The following CTDP1 variants were observed in gnomAD, a reference collection of about 807,000 sequenced individuals.
CTDP1 encodes CTD phosphatase 1.
Under a neutral mutation model 91.8 loss-of-function variants are expected in CTDP1, and 47 were observed. That is an observed-to-expected ratio of 0.51 (90% CI 0.41 to 0.65). The LOEUF (loss-of-function observed/expected upper bound fraction) is 0.65. Among genes scored for constraint, CTDP1 ranks in the 30% least tolerant of loss-of-function variants. The probability of loss-of-function intolerance (pLI) is 0.00; values close to 1 mark genes in which losing one functional copy is unlikely to be tolerated. For synonymous variants in CTDP1, 656 were observed against 598.5 expected (o/e 1.10, Z -1.40); for missense variants, 1,272 against 1,373.7 (o/e 0.93, Z 1.17).
intron 5 of CTDP1, among the ~76,000 whole-genome samples, chr18:79,707,744 G>A (rs966141779): frequency 6.6e-6 from 1 of 152,190 alleles, no homozygotes; most frequent in Admixed American, 6.5e-5. Flanking sequence ...TTGCTTCATT[G>A]TGGCTGGCGG....
chr18:79,704,975 G>A (rs193017286), intron 5 of CTDP1, 58 bp downstream of exon 5: 21 of 1,606,508 alleles, frequency 1.3e-5, no homozygotes, highest in African/African-American at 4.0e-5. Flanking sequence ...TCCTGTTTTC[G>A]GTGATGGTTT....
rs377250846 is a variant in CTDP1, at chr18:79,744,919, G to A, written c.2747+8398G>A. On this transcript the variant is annotated intron_variant, in intron 12 of 12. Coordinates refer to ENST00000613122, the MANE Select transcript of CTDP1 (RefSeq NM_004715.5). ...AAGAGCAGGCCAGAGGACGCACATC[G>A]TGCTTCAGAGTAACGGAGGCTGGTG... Among the ~76,000 whole-genome samples, 27 of 152,344 alleles carry A rather than the reference G, an allele frequency of 1.8e-4. 1 individual carries two copies. The South Asian group carries it at 5.4e-3, about 30-fold the overall frequency.
chr18:79,697,287 C>T (rs2085767125), intron 3 of CTDP1, among the ~76,000 whole-genome samples: 1 of 152,196 alleles, frequency 6.6e-6, no homozygotes, highest in African/African-American at 2.4e-5. Context: ...CAGCGTGGTG[C>T]GTCACATCCC....
intron 12 of CTDP1, among the ~76,000 whole-genome samples, chr18:79,739,263 C>A (rs1273139677): frequency 1.3e-5 from 2 of 152,198 alleles, no homozygotes; most frequent in African/African-American, 4.8e-5. Context: ...GTGTTGCTGG[C>A]GGCCAGCCAC....
intron 10 of CTDP1, among the ~76,000 whole-genome samples, 165 bp downstream of exon 10, chr18:79,718,181 C>T (rs1025140004): frequency 6.6e-6 from 1 of 152,222 alleles, no homozygotes; most frequent in South Asian, 2.1e-4. Context: ...CGCTTGCAGT[C>T]TTGGGTCCTT....
chr18:79,685,139 G>C (rs140741248), intron 1 of CTDP1, among the ~76,000 whole-genome samples: 83 of 152,304 alleles, frequency 5.4e-4, no homozygotes, highest in African/African-American at 1.1e-3. Flanking sequence ...CTCTGTCCTT[G>C]GTTCTCTGCG....
intron 6 of CTDP1, among the ~76,000 whole-genome samples, chr18:79,710,992 G>A (rs1259130505): frequency 1.3e-5 from 2 of 152,008 alleles, no homozygotes; most frequent in African/African-American, 4.8e-5. Context: ...GCTTGTGCAG[G>A]GCCCCCAATC....
intron 10 of CTDP1, 36 bp downstream of exon 10, chr18:79,718,052 A>AG: frequency 2.5e-6 from 4 of 1,608,458 alleles, no homozygotes; most frequent in Non-Finnish European, 3.4e-6. Flanking sequence ...CCAGCTAATG[A>AG]GGGCTCTTCA....
At chr18:79,679,213 T>C (rs2085298522), upstream of CTDP1, 5 of 343,752 alleles carry the variant, frequency 1.5e-5, no homozygotes, top group South Asian at 8.4e-5. Context: ...CACCTGCCCC[T>C]GCGCTTCCGC....
intron 5 of CTDP1, among the ~76,000 whole-genome samples, chr18:79,706,676 C>T (rs2085973542): frequency 6.6e-6 from 1 of 152,148 alleles, no homozygotes; most frequent in Non-Finnish European, 1.5e-5. Flanking sequence ...TGTTATAAAT[C>T]TTCATCATTT....
chr18:79,715,612 A>T (rs965476971), intron 8 of CTDP1, 84 bp downstream of exon 8: 253 of 1,303,454 alleles, frequency 1.9e-4, no homozygotes, highest in Non-Finnish European at 2.5e-4. Flanking sequence ...ATTGCTGTTT[A>T]TCTCACTTTC....
chr18:79,710,442 T>C lies in CTDP1; in HGVS notation c.863+6T>C. ...TCTAAAACGGGAAACCTTAGGTATG[T>C]ACCCAGCCGCGCTCCTCACAAAGAC... On this transcript the variant is annotated splice_donor_region_variant and intron_variant, in intron 6 of 12. Transcript: ENST00000613122. 6.2e-7 allele frequency: 1 copy of C among 1,602,996 alleles called. No homozygotes were observed. The highest frequency in any genetic ancestry group is 8.5e-7 in the Non-Finnish European group (1 of 1,169,844).
Position 79,697,995 on chromosome 18 carries a change from G to A in CTDP1, c.621+7G>A, listed in dbSNP as rs754038917. 3.1e-6 allele frequency: 5 copies of A among 1,614,232 alleles called. No individual in the cohort carries two copies. The highest frequency in any genetic ancestry group is 2.2e-5 in the East Asian group (1 of 44,894). On this transcript the variant is annotated splice_region_variant and intron_variant, in intron 4 of 12. Transcript: ENST00000613122. ...TCAGCAGATGTCGAATAAAGTGAGT[G>A]CAGTCAGCATCTACGGACAGTTTCC... is the stretch of plus-strand genomic sequence containing the variant.
chr18:79,747,485 G>A (rs1301201389), intron 12 of CTDP1, among the ~76,000 whole-genome samples: 2 of 152,226 alleles, frequency 1.3e-5, no homozygotes, highest in Non-Finnish European at 2.9e-5. Flanking sequence ...CTTGCCGCCT[G>A]CTTTCCTTGG....
At chr18:79,748,113 A>G (rs931780364) in intron 12 of CTDP1, among the ~76,000 whole-genome samples, 2 of 152,234 alleles carry the variant, frequency 1.3e-5, no homozygotes, top group Admixed American at 1.3e-4. Flanking sequence ...TATGAACAAA[A>G]TACAAATATT....
chr18:79,718,061 C>T, intron 10 of CTDP1, 45 bp downstream of exon 10: 3 of 1,603,346 alleles, frequency 1.9e-6, no homozygotes, highest in South Asian at 2.2e-5. Flanking sequence ...GAGGGCTCTT[C>T]AAGCTTGCTG....
At chr18:79,687,218 T>C (rs2085518046) in intron 1 of CTDP1, among the ~76,000 whole-genome samples, 1 of 136,342 alleles carries the variant, frequency 7.3e-6, no homozygotes, top group Admixed American at 7.0e-5. Context: ...CTTCTCCAGT[T>C]CACTGGTGGG....
At chr18:79,716,247 G>A (rs929206988) in intron 8 of CTDP1, among the ~76,000 whole-genome samples, 2 of 152,166 alleles carry the variant, frequency 1.3e-5, no homozygotes, top group African/African-American at 4.8e-5. Flanking sequence ...TTCTCAGTGC[G>A]TGGCCCCGCC....
Position 79,680,018 on chromosome 18 carries a change from G to T in CTDP1, c.71G>T (p.Cys24Phe), listed in dbSNP as rs1013867401. Residue 24 changes from cysteine (C) to phenylalanine (F), a missense_variant, in exon 1 of 13, where the codon TGC becomes TTC. Cys to Phe is a radical substitution (Grantham distance 205). Around this residue, in one of 3 missense-constraint regions of CTDP1, gnomAD observed 214 missense variants for 179.1 expected, o/e 1.19. Coordinates refer to ENST00000613122, the MANE Select transcript of CTDP1 (RefSeq NM_004715.5). ...ACGGCGGCTGTGGCCGAGGTGCGCT[G>T]CCCGGGGCCCGCGCCGCTGCGCCTG... ...APTAAVAEVRCPGPAPLRLLE... is the reference protein window; with the variant it reads ...APTAAVAEVRFPGPAPLRLLE... The T allele has an allele frequency of 1.3e-4, 164 of 1,271,870 alleles. No homozygotes were observed. Among genetic ancestry groups the T allele is most frequent in the Non-Finnish European group, 1.5e-4 (155 of 1,013,102 alleles). The allele number at this position is 1,271,870 out of a possible 1,614,324, so 78.8% of individuals were successfully genotyped here.
Sources: gnomAD v4.1 joint callset for allele counts (sites outside exome capture counted in the v4.1 genomes callset) on GRCh38, gnomAD v4.1.1 for gene constraint, gnomAD v4.1.1 regional missense constraint, MANE v1.5 for transcripts, NCBI Gene and HGNC (gene_info 2026-07-23, HGNC 2026-07-21) for gene names.